Variants in WASHC5 observed in about 807,000 individuals in gnomAD.
WASHC5 encodes WASH complex subunit strumpellin.
A neutral mutation model predicts 150.4 loss-of-function variants in WASHC5; 101 were observed. That is an observed-to-expected ratio of 0.67 (90% CI 0.57 to 0.79). The LOEUF is 0.79. Among genes scored for constraint, WASHC5 ranks in the 30% least tolerant of loss-of-function variants. WASHC5 has a pLI of 0.00. For missense variants in WASHC5, 1,195 were observed against 1,396.3 expected, an observed-to-expected ratio of 0.86 and a Z score of 2.30; for synonymous variants, 467 against 491.2, an observed-to-expected ratio of 0.95 and a Z score of 0.65.
chr8:125,072,317 G>C (rs1165566053), intron 9 of WASHC5, among the ~76,000 whole-genome samples: 1 of 120,958 alleles, frequency 8.3e-6, no homozygotes, highest in Non-Finnish European at 1.6e-5. Context: ...CAAACCTGGG[G>C]AACTTGAGAT....
intron 6 of WASHC5, 54 bp downstream of exon 6, chr8:125,078,684 G>T: frequency 1.5e-6 from 2 of 1,376,922 alleles, no homozygotes; most frequent in South Asian, 1.2e-5. Flanking sequence ...AAAGAGGGAA[G>T]TGAAATCAGT....
intron 27 of WASHC5, among the ~76,000 whole-genome samples, chr8:125,031,228 G>C (rs10956230): frequency 0.07 from 10,727 of 152,216 alleles, 493 homozygotes; most frequent in Middle Eastern, 0.28. Context: ...ATCATTTCCA[G>C]TTTTAGGACT....
chr8:125,078,665 G>T, intron 6 of WASHC5, 73 bp downstream of exon 6: 1 of 1,202,568 alleles, frequency 8.3e-7, no homozygotes, highest in Non-Finnish European at 1.2e-6. Flanking sequence ...AGGAAGGAAA[G>T]GAGTAATTAA....
chr8:125,044,170 C>A, intron 21 of WASHC5, 76 bp from the exon 22 acceptor site: 2 of 976,446 alleles, frequency 2.0e-6, no homozygotes, highest in Non-Finnish European at 3.2e-6. Context: ...ACCTAAAATG[C>A]TATGCAGAAC....
At position 125,058,134 on chromosome 8, in the gene WASHC5, T is replaced by A. The variant is rs556740902; in HGVS notation, c.1765-468A>T. On this transcript the variant is annotated intron_variant, in intron 14 of 28. Transcript: ENST00000318410. ...CTGTCCAATCTAATATGCCGTCAAG[T>A]GTAAGAAGTGCCATTATTTTATGTG... Among the ~76,000 whole-genome samples the A allele has an allele frequency of 3.2e-3, 491 of 151,586 alleles. 3 individuals are homozygous for A. Among genetic ancestry groups the A allele is most frequent in the Non-Finnish European group, 5.0e-3 (341 of 67,928 alleles).
In WASHC5 at chr8:125,081,646, C is replaced by T. The variant is rs373456132; in HGVS notation, c.518+15G>A. On this transcript the variant is annotated intron_variant, in intron 5 of 28. Coordinates refer to ENST00000318410, the MANE Select transcript of WASHC5 (RefSeq NM_014846.4). ...ACAGCAGCGTTTCGGAAGTGTAGTCCTAGCCCAGGAATACCTGTATCGGTA... is the reference window on the plus strand; with the variant it reads ...ACAGCAGCGTTTCGGAAGTGTAGTCTTAGCCCAGGAATACCTGTATCGGTA... 2 of 1,494,378 alleles carry T rather than the reference C, an allele frequency of 1.3e-6. No individual in the cohort carries two copies. The highest frequency in any genetic ancestry group is 1.7e-4 in the Middle Eastern group (1 of 5,864). The allele number at this position is 1,494,378 out of a possible 1,614,324, so 92.6% of individuals were successfully genotyped here. A position where few individuals can be genotyped will look rare whatever the true frequency, so the allele number is the denominator to read the frequency against.
rs185271653 is a variant in WASHC5 at position 125,081,388 on chromosome 8, C to T, written c.518+273G>A. 4.6e-5 allele frequency among the ~76,000 whole-genome samples: 7 copies of T among 152,172 alleles called. No homozygotes were observed. In the East Asian group the frequency reaches 1.4e-3, roughly 29 times the overall value. ...GAGTACCTGGAATTACAGGCGCCCA[C>T]CACCGTGCCTGGCTAATTTTTGTAG... On this transcript the variant is annotated intron_variant, in intron 5 of 28. Coordinates refer to ENST00000318410, the MANE Select transcript of WASHC5 (RefSeq NM_014846.4).
Position 125,083,697 on chromosome 8 carries a change from T to C in WASHC5, c.186+16A>G. 1 of 1,581,752 alleles carries C rather than the reference T, an allele frequency of 6.3e-7. No homozygotes were observed. The highest frequency in any genetic ancestry group is 8.7e-7 in the Non-Finnish European group (1 of 1,152,202). On this transcript the variant is annotated intron_variant, in intron 2 of 28. Transcript: ENST00000318410. ...GTAGAAAAGACAACAATAAAAATGC[T>C]ATAGAGGAAGATTACCTTAAAATAG...
At chr8:125,089,375 C>CA (rs1372880653) in intron 1 of WASHC5, among the ~76,000 whole-genome samples, 3 of 152,138 alleles carry the variant, frequency 2.0e-5, no homozygotes, top group Admixed American at 6.5e-5. Flanking sequence ...AATACACTAA[C>CA]ACCAAAAATA....
At chr8:125,056,617 T>C in intron 16 of WASHC5, 60 bp downstream of exon 16, 1 of 1,593,830 alleles carries the variant, frequency 6.3e-7, no homozygotes. Context: ...CACAGGCCTG[T>C]GATATTTCAT....
chr8:125,071,517 T>G (rs1217588538), intron 9 of WASHC5, among the ~76,000 whole-genome samples: 1 of 152,192 alleles, frequency 6.6e-6, no homozygotes, highest in Non-Finnish European at 1.5e-5. Flanking sequence ...GTATCACTTA[T>G]TCCATCATTT....
In WASHC5 at chr8:125,061,218, T is replaced by C. The variant is rs777609237; in HGVS notation, c.1409-24A>G. 1.9e-5 allele frequency: 23 copies of C among 1,243,036 alleles called. 1 individual carries two copies. The South Asian group carries it at 2.7e-4, about 14-fold the overall frequency. The allele number at this position is 1,243,036 out of a possible 1,614,324, so 77.0% of individuals were successfully genotyped here. On this transcript the variant is annotated intron_variant, in intron 11 of 28. Transcript: ENST00000318410. ...TTCTAGTAATACAGAAATAAGAAAA[T>C]ACTGAAATCCTCGAATTCCTGTAGC...
At chr8:125,036,057 C>T (rs1365447717) in intron 26 of WASHC5, among the ~76,000 whole-genome samples, 1 of 152,194 alleles carries the variant, frequency 6.6e-6, no homozygotes, top group South Asian at 2.1e-4. Context: ...CTGGAGAGAA[C>T]AGACATATTG....
intron 17 of WASHC5, among the ~76,000 whole-genome samples, chr8:125,051,416 C>T (rs909179724): frequency 6.6e-6 from 1 of 152,152 alleles, no homozygotes; most frequent in Non-Finnish European, 1.5e-5. Context: ...TAATGGGTTC[C>T]ATCCAGTTTT....
intron 28 of WASHC5, among the ~76,000 whole-genome samples, chr8:125,025,427 C>T (rs1468209814): frequency 1.3e-5 from 2 of 152,130 alleles, no homozygotes; most frequent in African/African-American, 2.4e-5. Flanking sequence ...TGGTGGCTCA[C>T]GCCTGTAATC....
At chr8:125,027,816 G>T (rs929324443) in intron 28 of WASHC5, among the ~76,000 whole-genome samples, 2 of 152,168 alleles carry the variant, frequency 1.3e-5, no homozygotes, top group Admixed American at 6.5e-5. Context: ...TACAGAGTTT[G>T]TCTTCTTTCC....
chr8:125,052,141 G>A (rs183631841), intron 17 of WASHC5, among the ~76,000 whole-genome samples: 33 of 152,262 alleles, frequency 2.2e-4, no homozygotes, highest in Admixed American at 1.8e-3. Context: ...TTCAGCATCT[G>A]TGCTTTATTA....
At chr8:125,043,728 G>T in intron 23 of WASHC5, 97 bp downstream of exon 23, 1 of 814,970 alleles carries the variant, frequency 1.2e-6, no homozygotes, top group Non-Finnish European at 2.1e-6. Context: ...AATGACAAAA[G>T]AAAGAAGAGT....
chr8:125,054,344 C>A (rs1367335174), intron 17 of WASHC5, among the ~76,000 whole-genome samples: 2 of 152,122 alleles, frequency 1.3e-5, no homozygotes, highest in South Asian at 2.1e-4. Context: ...TGAGATAAAT[C>A]AAAAGCACAT....
Sources: allele counts gnomAD v4.1 joint callset (sites outside exome capture counted in the v4.1 genomes callset), GRCh38; gene constraint gnomAD v4.1.1; transcripts MANE v1.5; gene names NCBI Gene and HGNC (gene_info 2026-07-23, HGNC 2026-07-21).